The following FBXL2 variants were observed in gnomAD, a reference collection of about 807,000 sequenced individuals.
The protein encoded by FBXL2 is F-box and leucine rich repeat protein 2.
Under a neutral mutation model 69.2 loss-of-function variants are expected in FBXL2, and 38 were observed. That is an observed-to-expected ratio of 0.55 (90% CI 0.42 to 0.72). The LOEUF (loss-of-function observed/expected upper bound fraction) is 0.72. FBXL2 is among the 30% of genes least tolerant of loss of function. The pLI is 0.00. For missense variants in FBXL2, 354 were observed against 520.3 expected, an observed-to-expected ratio of 0.68 and a Z score of 3.11; for synonymous variants, 192 against 201.3, an observed-to-expected ratio of 0.95 and a Z score of 0.39.
chr3:33,403,386 C>T (rs1440979383), exon 13 of FBXL2: 1 of 194,694 alleles, frequency 5.1e-6, no homozygotes, highest in Admixed American at 5.4e-5. Flanking sequence ...TCACCAGTAC[C>T]CATTTGCTTC....
At chr3:33,324,188 G>T (rs967390344) in intron 2 of FBXL2, among the ~76,000 whole-genome samples, 9 of 151,882 alleles carry the variant, frequency 5.9e-5, no homozygotes, top group Non-Finnish European at 1.2e-4. Context: ...GTTCCTTGTA[G>T]ATTCTGGATA....
intron 2 of FBXL2, among the ~76,000 whole-genome samples, chr3:33,299,016 T>TTTTTTAA (rs1559504907): frequency 3.3e-5 from 5 of 150,642 alleles, no homozygotes; most frequent in African/African-American, 9.8e-5. Context: ...GGAATCCTTT[T>TTTTTTAA]ATTTTTTTAA....
intron 1 of FBXL2, among the ~76,000 whole-genome samples, chr3:33,285,413 G>A (rs1439926088): frequency 6.6e-6 from 1 of 152,196 alleles, no homozygotes; most frequent in African/African-American, 2.4e-5. Context: ...GAGATCCGCT[G>A]TTAGTCTGAT....
intron 2 of FBXL2, among the ~76,000 whole-genome samples, chr3:33,341,057 C>T (rs1308544385): frequency 1.3e-5 from 2 of 152,168 alleles, no homozygotes; most frequent in African/African-American, 4.8e-5. Context: ...TTTTACAGCT[C>T]TTAATAAATT....
chr3:33,411,753 C>G, the FBXL2 span: 13 of 1,263,396 alleles, frequency 1.0e-5, no homozygotes, highest in Non-Finnish European at 2.3e-6. Flanking sequence ...TTACAACTTA[C>G]TATATTATGT....
At chr3:33,355,294 G>C (rs1388873098) in intron 2 of FBXL2, among the ~76,000 whole-genome samples, 1 of 152,076 alleles carries the variant, frequency 6.6e-6, no homozygotes, top group Non-Finnish European at 1.5e-5. Context: ...GATGAGCAAG[G>C]TATCTATCTG....
intron 2 of FBXL2, among the ~76,000 whole-genome samples, chr3:33,342,027 C>T (rs1411120840): frequency 8.7e-5 from 10 of 114,300 alleles, no homozygotes; most frequent in African/African-American, 2.8e-4. Context: ...TTTTTTGAGA[C>T]GGAGTCTTGC....
intron 2 of FBXL2, among the ~76,000 whole-genome samples, chr3:33,355,654 A>G (rs1305209245): frequency 6.6e-6 from 1 of 152,238 alleles, no homozygotes; most frequent in East Asian, 1.9e-4. Context: ...AGCAGAATAC[A>G]AAGTCCAAAA....
At chr3:33,378,626 A>T in intron 12 of FBXL2, 59 bp from the exon 13 acceptor site, 1 of 1,531,552 alleles carries the variant, frequency 6.5e-7, no homozygotes, top group Non-Finnish European at 8.8e-7. Context: ...AGGAGAAGCC[A>T]GGATTAGGTA....
At chr3:33,394,915 T>C (rs547755503) in intron 12 of FBXL2, among the ~76,000 whole-genome samples, 28 of 151,540 alleles carry the variant, frequency 1.8e-4, no homozygotes, top group Middle Eastern at 3.4e-3. Flanking sequence ...AATCACAGAG[T>C]TGAATGTGAG....
intron 2 of FBXL2, among the ~76,000 whole-genome samples, chr3:33,307,310 C>T (rs1384727200): frequency 6.6e-6 from 1 of 152,106 alleles, no homozygotes; most frequent in Non-Finnish European, 1.5e-5. Context: ...CAGATATACA[C>T]ACAAGGACAT....
chr3:33,289,784 G>C (rs866904932), intron 1 of FBXL2: 2 of 985,522 alleles, frequency 2.0e-6, no homozygotes, highest in Middle Eastern at 5.2e-4. Flanking sequence ...AGCTAAGAAG[G>C]GTCCTGCTGA....
At chr3:33,392,795 A>G, downstream of FBXL2, 1 of 565,872 alleles carries the variant, frequency 1.8e-6, no homozygotes, top group South Asian at 2.5e-5. Flanking sequence ...TGTGTTCACT[A>G]TGCCTGTCCA....
the FBXL2 span, chr3:33,416,654 A>T: frequency 1.1e-6 from 1 of 870,454 alleles, no homozygotes; most frequent in South Asian, 2.0e-5. Context: ...TAAAGTTAAA[A>T]AGTTGTAATA....
intron 4 of FBXL2, among the ~76,000 whole-genome samples, chr3:33,360,745 T>A (rs2041550266): frequency 6.6e-6 from 1 of 152,100 alleles, no homozygotes; most frequent in Non-Finnish European, 1.5e-5. Flanking sequence ...TTAGTGATGA[T>A]GTGGAGGACA....
intron 2 of FBXL2, among the ~76,000 whole-genome samples, chr3:33,348,985 ATTTG>A (rs2040641990): frequency 6.6e-6 from 1 of 152,140 alleles, no homozygotes; most frequent in Non-Finnish European, 1.5e-5. Flanking sequence ...ATTTTATTGA[ATTTG>A]TTTATCAGTG....
At chr3:33,294,090 T>C (rs187096228) in intron 1 of FBXL2, among the ~76,000 whole-genome samples, 12 of 152,320 alleles carry the variant, frequency 7.9e-5, no homozygotes, top group Non-Finnish European at 1.0e-4. Context: ...TTCACAAATA[T>C]GTGAAAATAA....
chr3:33,387,082 A>G lies in FBXL2; in HGVS notation c.*1474A>G, dbSNP rs572749870. The G allele has an allele frequency of 1.3e-5, 2 of 152,328 alleles. No homozygotes were observed. Among genetic ancestry groups the G allele is most frequent in the East Asian group, 3.9e-4 (2 of 5,188 alleles). 9.4% of individuals were successfully genotyped at this position (152,328 alleles called of 1,614,324 possible). ...AAACGGACTTAGCACAATTATCATC[A>G]GAGTAAGCATTAAAGTCATTTTATT... On this transcript the variant is annotated 3_prime_UTR_variant, in exon 15 of 15. Coordinates refer to ENST00000484457, the MANE Select transcript of FBXL2 (RefSeq NM_012157.5).
chr3:33,397,896 A>G (rs1022148219), intron 12 of FBXL2: 3 of 152,212 alleles, frequency 2.0e-5, no homozygotes, highest in African/African-American at 4.8e-5. Flanking sequence ...AAACTTACAT[A>G]TAAGTATAAA....
Sources: gnomAD v4.1 joint callset for allele counts (sites outside exome capture counted in the v4.1 genomes callset) on GRCh38, gnomAD v4.1.1 for gene constraint, MANE v1.5 for transcripts, NCBI Gene and HGNC (gene_info 2026-07-23, HGNC 2026-07-21) for gene names.